MBNL2: variants seen among roughly 807,000 people sequenced by gnomAD.
MBNL2 encodes the protein muscleblind-like protein 2.
MBNL2 carries 17 observed loss-of-function variants against 41.9 expected under a neutral mutation model. The observed-to-expected ratio is 0.41, with a 90% confidence interval of 0.28 to 0.61. MBNL2 has a LOEUF of 0.61. Ranked by LOEUF, MBNL2 falls within the 20% of genes least tolerant of loss-of-function variation. The pLI is 0.35. For synonymous variants in MBNL2, 195 were observed against 182.9 expected, an observed-to-expected ratio of 1.07 and a Z score of -0.53; for missense variants, 336 against 505.6, an observed-to-expected ratio of 0.66 and a Z score of 3.22.
intron 2 of MBNL2, among the ~76,000 whole-genome samples, chr13:97,304,563 G>C (rs1336015131): frequency 6.6e-6 from 1 of 152,162 alleles, no homozygotes; most frequent in Non-Finnish European, 1.5e-5. Context: ...GTGGATCATA[G>C]TATAAGATCT....
chr13:97,258,039 T>G (rs554393945), intron 1 of MBNL2, among the ~76,000 whole-genome samples: 2 of 152,244 alleles, frequency 1.3e-5, no homozygotes, highest in Admixed American at 1.3e-4. Context: ...GACGAGCCTC[T>G]GAGGAGCGCC....
At chr13:97,168,910 C>T in the MBNL2 span, among the ~76,000 whole-genome samples, 1 of 152,142 alleles carries the variant, frequency 6.6e-6, no homozygotes, top group African/African-American at 2.4e-5. Context: ...GGACCTTTTA[C>T]TATTCTCACC....
chr13:97,273,258 A>G (rs1034779138), intron 1 of MBNL2, among the ~76,000 whole-genome samples: 1 of 152,068 alleles, frequency 6.6e-6, no homozygotes, highest in African/African-American at 2.4e-5. Flanking sequence ...TATCCTTGTC[A>G]TTGGTGCCTC....
intron 1 of MBNL2, among the ~76,000 whole-genome samples, chr13:97,238,552 G>C (rs2043710421): frequency 6.6e-6 from 1 of 152,146 alleles, no homozygotes; most frequent in African/African-American, 2.4e-5. Context: ...ATGAAGACCG[G>C]GCCCAGTCCT....
chr13:97,201,864 A>G, the MBNL2 span, among the ~76,000 whole-genome samples: 2 of 152,208 alleles, frequency 1.3e-5, no homozygotes, highest in Non-Finnish European at 1.5e-5. Flanking sequence ...CTTGCATGCA[A>G]AATAGTCTCA....
At chr13:97,143,334 T>C in the MBNL2 span, among the ~76,000 whole-genome samples, 3 of 152,218 alleles carry the variant, frequency 2.0e-5, no homozygotes, top group Non-Finnish European at 4.4e-5. Flanking sequence ...ATTAGCTGAT[T>C]TGGGTCTCAG....
rs1274860038 is a variant in MBNL2 at position 97,295,399 on chromosome 13, T to C, written c.174+18990T>C. ...AATTGCTAAAGTGGCCAATCCCAGC[T>C]TAGCAATAGAAGTTTTCCCCTGTGC... is the stretch of plus-strand genomic sequence containing the variant. On this transcript the variant is annotated intron_variant, in intron 2 of 8. Coordinates refer to ENST00000679496, the MANE Select transcript of MBNL2 (RefSeq NM_001382683.1). Among the ~76,000 whole-genome samples, 3 of 152,084 alleles carry C rather than the reference T, an allele frequency of 2.0e-5. No homozygotes were observed. In the East Asian group the frequency reaches 5.8e-4, roughly 29 times the overall value.
chr13:97,377,991 G>T (rs2065110767), intron 8 of MBNL2, among the ~76,000 whole-genome samples: 1 of 152,154 alleles, frequency 6.6e-6, no homozygotes, highest in Non-Finnish European at 1.5e-5. Context: ...AAAGACAGAT[G>T]TTTATTAGAT....
the MBNL2 span, among the ~76,000 whole-genome samples, chr13:97,180,759 A>T: frequency 0.095 from 14,416 of 151,508 alleles, 805 homozygotes; most frequent in South Asian, 0.17. Flanking sequence ...AAAAAAAAAA[A>T]AAAAACATGT....
In MBNL2 at chr13:97,323,858, T is replaced by C. The variant is rs187094091; in HGVS notation, c.175-10418T>C. Reference sequence around the variant, plus strand: ...GATGTGTTGATACAGACATGCAATGTGAAATAAGCACATCATGGAGAATGG... The same window carrying C: ...GATGTGTTGATACAGACATGCAATGCGAAATAAGCACATCATGGAGAATGG... On this transcript the variant is annotated intron_variant, in intron 2 of 8. Transcript: ENST00000679496. 3.3e-5 allele frequency among the ~76,000 whole-genome samples: 5 copies of C among 152,314 alleles called. No homozygotes were observed. In the East Asian group the frequency reaches 9.6e-4, roughly 29 times the overall value.
chr13:97,226,165 A>T (rs951768746), intron 1 of MBNL2, among the ~76,000 whole-genome samples: 1 of 152,150 alleles, frequency 6.6e-6, no homozygotes, highest in Admixed American at 6.6e-5. Flanking sequence ...ACAGTTGTTT[A>T]TGGAGACCAG....
chr13:97,171,821 G>A, the MBNL2 span, among the ~76,000 whole-genome samples: 1 of 152,122 alleles, frequency 6.6e-6, no homozygotes, highest in Admixed American at 6.6e-5. Context: ...ATTGAATCAT[G>A]GGGGCAGTTT....
At chr13:97,170,946 A>T in the MBNL2 span, among the ~76,000 whole-genome samples, 1 of 152,232 alleles carries the variant, frequency 6.6e-6, no homozygotes, top group East Asian at 1.9e-4. Flanking sequence ...TGAAGGCTAA[A>T]GACAAGAGGG....
intron 1 of MBNL2, among the ~76,000 whole-genome samples, chr13:97,258,673 C>T (rs1490587056): frequency 6.6e-6 from 1 of 152,190 alleles, no homozygotes; most frequent in African/African-American, 2.4e-5. Context: ...TTGGATCCTC[C>T]AAGCCACATA....
At chr13:97,181,162 T>C in the MBNL2 span, among the ~76,000 whole-genome samples, 79 of 152,112 alleles carry the variant, frequency 5.2e-4, 1 homozygote, top group Middle Eastern at 6.8e-3. Flanking sequence ...TGACCTCCCT[T>C]TTATAAGGAT....
chr13:97,322,761 C>G (rs539272418), intron 2 of MBNL2, among the ~76,000 whole-genome samples: 3 of 152,154 alleles, frequency 2.0e-5, no homozygotes, highest in African/African-American at 7.2e-5. Context: ...ACCCTTCTCC[C>G]ACTTCTTCCC....
chr13:97,215,032 G>A, the MBNL2 span, among the ~76,000 whole-genome samples: 1 of 152,174 alleles, frequency 6.6e-6, no homozygotes. Context: ...TCTTTCTTTG[G>A]CCCAGAGAAC....
chr13:97,247,527 T>C (rs1347105535), intron 1 of MBNL2, among the ~76,000 whole-genome samples: 1 of 152,218 alleles, frequency 6.6e-6, no homozygotes, highest in Non-Finnish European at 1.5e-5. Context: ...TTCATTTCTC[T>C]CATACCTGTT....
At chr13:97,205,045 A>T in the MBNL2 span, among the ~76,000 whole-genome samples, 1 of 151,644 alleles carries the variant, frequency 6.6e-6, no homozygotes, top group South Asian at 2.1e-4. Context: ...GGTGGCACGC[A>T]CCTGTAGTCC....
Sources: gnomAD v4.1 joint callset for allele counts (sites outside exome capture counted in the v4.1 genomes callset) on GRCh38, gnomAD v4.1.1 for gene constraint, MANE v1.5 for transcripts, NCBI Gene and HGNC (gene_info 2026-07-23, HGNC 2026-07-21) for gene names.